CHN2: variants seen among roughly 807,000 people sequenced by gnomAD.
The protein encoded by CHN2 is chimerin 2, also known as beta-chimaerin.
CHN2 carries 35 observed loss-of-function variants against 56.3 expected under a neutral mutation model. The observed-to-expected ratio is 0.62, with a 90% CI of 0.47 to 0.82. The LOEUF (loss-of-function observed/expected upper bound fraction) is 0.82, where lower values mean the gene tolerates loss of function less well. CHN2 is among the 40% of genes least tolerant of loss of function. The pLI is 0.00. For missense variants in CHN2, 491 were observed against 580.5 expected (o/e 0.85, Z 1.58); for synonymous variants, 210 against 212.8 (o/e 0.99, Z 0.12).
At chr7:29,466,324 A>G (rs1785552332) in intron 6 of CHN2, among the ~76,000 whole-genome samples, 1 of 152,266 alleles carries the variant, frequency 6.6e-6, no homozygotes. Flanking sequence ...CTGGGTGTAG[A>G]TAAATTTATT....
intron 6 of CHN2, among the ~76,000 whole-genome samples, chr7:29,470,524 G>C (rs1273750642): frequency 6.6e-6 from 1 of 152,172 alleles, no homozygotes; most frequent in African/African-American, 2.4e-5. Context: ...TTAACATGGG[G>C]CAGTTCACAT....
At chr7:29,296,739 A>G (rs1347843893) in intron 1 of CHN2, among the ~76,000 whole-genome samples, 2 of 152,272 alleles carry the variant, frequency 1.3e-5, no homozygotes, top group Admixed American at 1.3e-4. Flanking sequence ...AATGAGGGAC[A>G]GAAGAGATAA....
intron 1 of CHN2, among the ~76,000 whole-genome samples, chr7:29,242,527 G>C (rs941819570): frequency 7.9e-5 from 12 of 151,948 alleles, no homozygotes; most frequent in South Asian, 2.1e-4. Flanking sequence ...GGGCTTCTCA[G>C]TTTTTTACGC....
At chr7:29,450,159 T>C (rs1430902311) in intron 6 of CHN2, among the ~76,000 whole-genome samples, 1 of 152,170 alleles carries the variant, frequency 6.6e-6, no homozygotes, top group Non-Finnish European at 1.5e-5. Context: ...GCATGAATCA[T>C]CAGTCTCCTC....
At chr7:29,473,147 C>T (rs987790025) in intron 6 of CHN2, among the ~76,000 whole-genome samples, 7 of 152,184 alleles carry the variant, frequency 4.6e-5, no homozygotes, top group African/African-American at 1.7e-4. Flanking sequence ...TGCCTTAAAT[C>T]GTCTTTGGAG....
At chr7:29,184,490 T>G (rs190349307) in intron 2 of CHN2, 1 of 152,272 alleles carries the variant, frequency 6.6e-6, no homozygotes, top group East Asian at 1.9e-4. Flanking sequence ...GCTGATGGTA[T>G]AGTTCCTGTC....
chr7:29,295,289 G>A (rs1187769451), intron 1 of CHN2, among the ~76,000 whole-genome samples: 3 of 146,602 alleles, frequency 2.0e-5, no homozygotes, highest in Non-Finnish European at 3.0e-5. Context: ...ACGAAGGGCC[G>A]ACTATATCCC....
At chr7:29,374,752 G>A (rs557137736) in intron 3 of CHN2, among the ~76,000 whole-genome samples, 1 of 152,002 alleles carries the variant, frequency 6.6e-6, no homozygotes, top group East Asian at 1.9e-4. Flanking sequence ...AATAGGCAAA[G>A]TTTCCGGAGA....
intron 6 of CHN2, among the ~76,000 whole-genome samples, chr7:29,466,526 A>G (rs1785566044): frequency 6.6e-6 from 1 of 152,200 alleles, no homozygotes; most frequent in African/African-American, 2.4e-5. Flanking sequence ...TGTCATAGTG[A>G]TCTCTCTTGC....
chr7:29,323,762 C>A (rs1441606683), intron 1 of CHN2, among the ~76,000 whole-genome samples: 2 of 151,934 alleles, frequency 1.3e-5, no homozygotes, highest in African/African-American at 4.8e-5. Flanking sequence ...CTTTGGGAGG[C>A]CGAGGCGGGC....
chr7:29,441,465 T>C (rs941337338), intron 6 of CHN2, among the ~76,000 whole-genome samples: 2 of 152,210 alleles, frequency 1.3e-5, no homozygotes, highest in Non-Finnish European at 2.9e-5. Context: ...GAAAATTGAA[T>C]TTGATCAAAA....
chr7:29,204,067 CTGTGTGTGTGTGTGTGTGTGTG>C (rs55930139), intron 1 of CHN2, among the ~76,000 whole-genome samples: 68 of 128,854 alleles, frequency 5.3e-4, no homozygotes, highest in South Asian at 5.3e-4. Flanking sequence ...TTCTCTCTCT[CTGTGTGTGTGTGTGTGTGTGTG>C]TGTGTGTGTG....
chr7:29,456,910 G>A (rs985293994), intron 6 of CHN2, among the ~76,000 whole-genome samples: 5 of 152,070 alleles, frequency 3.3e-5, no homozygotes, highest in Non-Finnish European at 1.5e-5. Flanking sequence ...AGATCCTGGG[G>A]ATATTGCCCT....
chr7:29,166,982 A>G (rs949688490), intron 2 of CHN2, among the ~76,000 whole-genome samples: 1 of 152,088 alleles, frequency 6.6e-6, no homozygotes, highest in Admixed American at 6.6e-5. Context: ...ATATATTTCT[A>G]TGCTTTTTTG....
At chr7:29,243,285 A>T (rs1246944513) in intron 1 of CHN2, among the ~76,000 whole-genome samples, 2 of 152,202 alleles carry the variant, frequency 1.3e-5, no homozygotes, top group African/African-American at 2.4e-5. Flanking sequence ...TCATAGAACA[A>T]TTCTATTCCT....
In CHN2 at chr7:29,201,019, C is replaced by G. The variant is rs150722118; in HGVS notation, c.49+6029C>G. 5.6e-3 allele frequency among the ~76,000 whole-genome samples: 854 copies of G among 152,316 alleles called. 10 individuals are homozygous for G. Among genetic ancestry groups the G allele is most frequent in the Middle Eastern group, 0.044 (13 of 294 alleles). On this transcript the variant is annotated intron_variant, in intron 1 of 12. Coordinates refer to ENST00000222792, the MANE Select transcript of CHN2 (RefSeq NM_004067.4). Reference sequence around the variant, plus strand: ...AATTGTACACCTTTGTGAGACTAATCTGAATATAGTCTCTATAGTTTGGAC... The same window carrying G: ...AATTGTACACCTTTGTGAGACTAATGTGAATATAGTCTCTATAGTTTGGAC...
chr7:29,150,180 G>C (rs1793394512), intron 2 of CHN2, among the ~76,000 whole-genome samples: 1 of 152,192 alleles, frequency 6.6e-6, no homozygotes, highest in Middle Eastern at 3.2e-3. Flanking sequence ...GTGGTTCAGA[G>C]CATGGGTCAG....
At chr7:29,414,140 C>T (rs970157123) in intron 6 of CHN2, among the ~76,000 whole-genome samples, 10 of 152,230 alleles carry the variant, frequency 6.6e-5, no homozygotes, top group African/African-American at 2.4e-4. Flanking sequence ...CAGACACAAG[C>T]ATGTGTCTCA....
chr7:29,461,034 G>GTT (rs1785129341), intron 6 of CHN2, among the ~76,000 whole-genome samples: 1 of 152,168 alleles, frequency 6.6e-6, no homozygotes, highest in Non-Finnish European at 1.5e-5. Context: ...AGCATAAATG[G>GTT]TTATCATCAA....
Sources: gnomAD v4.1 joint callset for allele counts (sites outside exome capture counted in the v4.1 genomes callset) on GRCh38, gnomAD v4.1.1 for gene constraint, MANE v1.5 for transcripts, NCBI Gene and HGNC (gene_info 2026-07-23, HGNC 2026-07-21) for gene names.